The following MFSD12 variants were observed in gnomAD, a reference collection of about 807,000 sequenced individuals.
MFSD12 encodes the protein major facilitator superfamily domain-containing protein 12.
A neutral mutation model predicts 51.2 loss-of-function variants in MFSD12; 67 were observed. The ratio of observed to expected loss-of-function variants is 1.31; its 90% CI spans 1.08 to 1.60. The LOEUF is 1.60. Among genes scored for constraint, MFSD12 ranks in the 40% most tolerant of loss-of-function variants. MFSD12 has a pLI of 0.00. For missense variants in MFSD12, 921 were observed against 673.0 expected, an observed-to-expected ratio of 1.37 and a Z score of -4.08; for synonymous variants, 441 against 316.7, an observed-to-expected ratio of 1.39 and a Z score of -4.17.
At chr19:3,542,222 C>G, downstream of MFSD12, 1 of 985,412 alleles carries the variant, frequency 1.0e-6, no homozygotes, top group South Asian at 4.7e-5. Flanking sequence ...AAAGCCGAGT[C>G]TATGTGGGGT....
At position 3,557,213 on chromosome 19, in the gene MFSD12, A is replaced by G. The variant is rs1449800093; in HGVS notation, c.191T>C (p.Leu64Pro). The G allele has an allele frequency of 3.2e-6, 5 of 1,559,854 alleles. No homozygotes were observed. The highest frequency in any genetic ancestry group is 4.3e-6 in the Non-Finnish European group (5 of 1,153,844). ...GCACAGCCCGTCGGCCACCTGGCCC[A>G]GCAGCAGCAGCAGCCCCGCGCCGCG... ...SSRGAGLLLL[L>P]GQVADGLCTP... The change falls in exon 1 of 10, where the codon CTG (leucine) becomes CCG (proline). Residue 64 changes from leucine to proline, a missense_variant. Physicochemically the swap from Leu to Pro is moderately conservative, Grantham distance 98. Transcript: ENST00000355415.
Position 3,544,448 on chromosome 19 carries a change from G to C in MFSD12, c.*262C>G. 2 of 1,342,320 alleles carry C rather than the reference G, an allele frequency of 1.5e-6. No individual in the cohort carries two copies. Among genetic ancestry groups the C allele is most frequent in the Non-Finnish European group, 1.9e-6 (2 of 1,049,280 alleles). 83.2% of individuals were successfully genotyped at this position (1,342,320 alleles called of 1,614,324 possible). ...ATTCCTACTTCCTGTTCCCTGCCGAGAGGGGCACCCCAAATCCTCCAGAGG... is the reference window on the plus strand; with the variant it reads ...ATTCCTACTTCCTGTTCCCTGCCGACAGGGGCACCCCAAATCCTCCAGAGG... On this transcript the variant is annotated 3_prime_UTR_variant, in exon 10 of 10. Transcript: ENST00000355415.
At chr19:3,546,201 A>C (rs1599825316) in intron 7 of MFSD12, 33 bp from the exon 8 acceptor site, 4 of 1,608,358 alleles carry the variant, frequency 2.5e-6, no homozygotes, top group South Asian at 1.1e-5. Flanking sequence ...GTCAGCGTGC[A>C]CCCCGAGATC....
In MFSD12 at chr19:3,548,225, G is replaced by A. The variant is rs775802443; in HGVS notation, c.552C>T (p.Ala184=). Residue 184 remains alanine (A), a synonymous_variant, in exon 3 of 10, where the codon GCC becomes GCT. Transcript: ENST00000355415. ...CCTGCAGGTGCAGCAGGAGCCAGGC[G>A]GCGCCGTAGACGGTGATGTTGGCCA... ...TVVANITVYG[A]AWLLLHLQGS... is the part of the protein sequence containing the mutation. 1.9e-5 allele frequency: 29 copies of A among 1,554,456 alleles called. No homozygotes were observed. The highest frequency in any genetic ancestry group is 2.3e-5 in the Non-Finnish European group (27 of 1,150,140).
chr19:3,540,372 C>T (rs575106965), downstream of MFSD12, among the ~76,000 whole-genome samples: 44 of 151,986 alleles, frequency 2.9e-4, no homozygotes, highest in Non-Finnish European at 4.0e-4. Flanking sequence ...ATTCTCCTGC[C>T]TCAGCCTCCC....
At chr19:3,547,191 A>C (rs2145193528) in intron 6 of MFSD12, 81 bp downstream of exon 6, 1 of 1,280,662 alleles carries the variant, frequency 7.8e-7, no homozygotes, top group Non-Finnish European at 1.1e-6. Context: ...GCATCCGAGG[A>C]TGGAACCCGG....
rs527497558 is a variant in MFSD12 at position 3,547,534 on chromosome 19, T to C, written c.851A>G (p.Tyr284Cys). ...GTTCACGATGAGCCTGGTGGTCATG[T>C]ACAGTATGCCCACCTGTGGGCAGAC... Reference protein sequence around the residue: ...EPAFYQVGILYMTTRLIVNLS... With the variant: ...EPAFYQVGILCMTTRLIVNLS... Residue 284 changes from tyrosine (Y) to cysteine (C), a missense_variant, in exon 5 of 10, where the codon TAC becomes TGC. Coordinates refer to ENST00000355415, the MANE Select transcript of MFSD12 (RefSeq NM_174983.5). 3.7e-6 allele frequency: 6 copies of C among 1,611,344 alleles called. No homozygotes were observed. The African/African-American group carries it at 5.3e-5, about 14-fold the overall frequency.
chr19:3,552,617 G>A (rs556874335), intron 1 of MFSD12, among the ~76,000 whole-genome samples: 9 of 150,826 alleles, frequency 6.0e-5, no homozygotes, highest in East Asian at 2.0e-4. Context: ...TGGGATTACA[G>A]GTACCTGCCG....
intron 4 of MFSD12, chr19:3,538,811 G>T (rs1258030986): frequency 1.8e-6 from 1 of 551,310 alleles, no homozygotes; most frequent in African/African-American, 1.9e-5. Flanking sequence ...TGAGGAGCTG[G>T]GGTGACAGGT....
At chr19:3,542,940 C>T (rs757964708), downstream of MFSD12, 234 of 1,485,036 alleles carry the variant, frequency 1.6e-4, no homozygotes, top group Non-Finnish European at 2.1e-4. Context: ...AGCCAGGGCC[C>T]TTGTCCTCTC....
downstream of MFSD12, chr19:3,539,227 C>CCCT: frequency 6.4e-7 from 1 of 1,550,546 alleles, no homozygotes; most frequent in Non-Finnish European, 8.7e-7. Flanking sequence ...CCCTCGGGGA[C>CCCT]CCTCGAGGCC....
At chr19:3,547,807 G>T (rs2031195919) in intron 4 of MFSD12, 41 bp downstream of exon 4, 2 of 1,460,634 alleles carry the variant, frequency 1.4e-6, no homozygotes. Flanking sequence ...CTGTGGGTGG[G>T]AGAGAAGGCC....
intron 8 of MFSD12, 123 bp from the exon 9 acceptor site, chr19:3,545,062 GC>G: frequency 1.6e-6 from 2 of 1,289,912 alleles, no homozygotes; most frequent in Non-Finnish European, 2.1e-6. Flanking sequence ...GGAGCTGGGG[GC>G]CCTGCCACTC....
downstream of MFSD12, chr19:3,541,794 T>C (rs572515683): frequency 2.0e-5 from 20 of 984,924 alleles, no homozygotes; most frequent in Admixed American, 5.5e-4. Flanking sequence ...TCATTTCTCA[T>C]TGAATATTAT....
At position 3,545,802 on chromosome 19, in the gene MFSD12, G is replaced by A. The variant is rs573782235; in HGVS notation, c.1289+272C>T. Among the ~76,000 whole-genome samples the A allele has an allele frequency of 2.0e-4, 31 of 152,328 alleles. 1 individual carries two copies. Among genetic ancestry groups the A allele is most frequent in the East Asian group, 3.9e-4 (2 of 5,188 alleles). On this transcript the variant is annotated intron_variant, in intron 8 of 9. Coordinates refer to ENST00000355415, the MANE Select transcript of MFSD12 (RefSeq NM_174983.5). ...TGAGTTCTGTGGGTCTGGGTTACAC[G>A]GACTCGGGGCTCCCTTCCAGCTGGG... is the stretch of plus-strand genomic sequence containing the variant.
At chr19:3,542,162 ATT>A (rs1407123643), downstream of MFSD12, 28 of 985,378 alleles carry the variant, frequency 2.8e-5, no homozygotes, top group Non-Finnish European at 3.4e-5. Context: ...CTTGCAATTC[ATT>A]TCAAAAGGGT....
Position 3,544,411 on chromosome 19 carries a change from G to C in MFSD12, c.*299C>G. 7.5e-7 allele frequency: 1 copy of C among 1,324,516 alleles called. No individual in the cohort carries two copies. The highest frequency in any genetic ancestry group is 9.6e-7 in the Non-Finnish European group (1 of 1,038,798). The allele number at this position is 1,324,516 out of a possible 1,614,324, so 82.0% of individuals were successfully genotyped here. A position where few individuals can be genotyped will look rare whatever the true frequency, so the allele number is the denominator to read the frequency against. On this transcript the variant is annotated 3_prime_UTR_variant, in exon 10 of 10. Transcript: ENST00000355415. ...TGAGCTCAGGGTTAGGGTTCCCCCAGACCCTTCTGGGATTCCTACTTCCTG... is the reference window on the plus strand; with the variant it reads ...TGAGCTCAGGGTTAGGGTTCCCCCACACCCTTCTGGGATTCCTACTTCCTG...
intron 6 of MFSD12, 111 bp from the exon 7 acceptor site, chr19:3,546,536 G>T: frequency 7.7e-7 from 1 of 1,293,402 alleles, no homozygotes; most frequent in Non-Finnish European, 1.1e-6. Context: ...GAGCTGGATG[G>T]TCCCTAAGGA....
chr19:3,543,579 C>T (rs771841478), downstream of MFSD12: 8 of 1,542,074 alleles, frequency 5.2e-6, no homozygotes, highest in Non-Finnish European at 7.0e-6. Flanking sequence ...CTGCGGGAGA[C>T]CGCCTGGCAT....
Sources: allele counts gnomAD v4.1 joint callset (sites outside exome capture counted in the v4.1 genomes callset), GRCh38; gene constraint gnomAD v4.1.1; transcripts MANE v1.5; gene names NCBI Gene and HGNC (gene_info 2026-07-23, HGNC 2026-07-21).